Variants in OCA2 observed in about 807,000 individuals in gnomAD.
OCA2 encodes the protein P protein.
In OCA2, 77 loss-of-function variants were observed where a neutral mutation model predicts 100.2. The ratio of observed to expected loss-of-function variants is 0.77; its 90% CI spans 0.64 to 0.93. The LOEUF (loss-of-function observed/expected upper bound fraction) is 0.93. Among genes scored for constraint, OCA2 ranks in the 40% least tolerant of loss-of-function variants. The pLI is 0.00. For missense variants in OCA2, 1,062 were observed against 1,089.1 expected (o/e 0.98, Z 0.35); for synonymous variants, 432 against 439.2 (o/e 0.98, Z 0.21).
chr15:28,085,660 C>T (rs2044764562), intron 1 of OCA2, among the ~76,000 whole-genome samples: 1 of 151,874 alleles, frequency 6.6e-6, no homozygotes, highest in African/African-American at 2.4e-5. Flanking sequence ...CCCACCCCCG[C>T]CCAGACTGCA....
intron 11 of OCA2, 125 bp from the exon 12 acceptor site, chr15:27,986,768 A>G (rs2041368379): frequency 1.3e-6 from 1 of 755,834 alleles, no homozygotes; most frequent in Admixed American, 1.9e-5. Flanking sequence ...CAAGCTCCTC[A>G]CTCTGAGATG....
At chr15:28,083,140 C>T (rs1014754985) in intron 1 of OCA2, among the ~76,000 whole-genome samples, 2 of 152,212 alleles carry the variant, frequency 1.3e-5, no homozygotes, top group African/African-American at 4.8e-5. Flanking sequence ...GTTTCACATA[C>T]AGTCTTCACA....
At chr15:27,823,877 A>G (rs1361243335) in intron 23 of OCA2, among the ~76,000 whole-genome samples, 1 of 152,222 alleles carries the variant, frequency 6.6e-6, no homozygotes, top group African/African-American at 2.4e-5. Context: ...AAAATGATTT[A>G]CATTGCAATA....
chr15:27,783,910 G>A (rs1197798036), intron 23 of OCA2, among the ~76,000 whole-genome samples: 3 of 152,182 alleles, frequency 2.0e-5, no homozygotes, highest in African/African-American at 2.4e-5. Flanking sequence ...CACCCAGGGC[G>A]CTGATGAAAA....
In OCA2 at chr15:27,957,675, CG is replaced by C; in HGVS notation, c.1696del (p.Arg566AlafsTer62). The C allele has an allele frequency of 6.2e-7, 1 of 1,613,088 alleles. No individual in the cohort carries two copies. The highest frequency in any genetic ancestry group is 1.6e-4 in the Middle Eastern group (1 of 6,062). ...CAGGCGGCGCACAGCTGTCTCCTCG[CG>C]GCTGGCCGGGCTGATGCGCTGAGCA... ...LTAQRISPAS[R>X]EETAVRRLLL... is the part of the protein sequence containing the mutation. On this transcript the variant is annotated frameshift_variant, in exon 16 of 24. Coordinates refer to ENST00000354638, the MANE Select transcript of OCA2 (RefSeq NM_000275.3). LOFTEE classifies it high-confidence loss of function. The surrounding 1 kb of genome is among the most constrained non-coding windows in gnomAD (Gnocchi z 4.3).
At chr15:27,918,401 A>G (rs1474383153) in intron 19 of OCA2, among the ~76,000 whole-genome samples, 3 of 152,132 alleles carry the variant, frequency 2.0e-5, no homozygotes, top group Admixed American at 2.0e-4. Context: ...ATAAGTAATT[A>G]TGATAGATTA....
chr15:28,060,472 TA>T (rs1408597271), intron 2 of OCA2, among the ~76,000 whole-genome samples: 7 of 152,238 alleles, frequency 4.6e-5, no homozygotes, highest in Non-Finnish European at 8.8e-5. Context: ...TTCCACTTAG[TA>T]TCTCAAAAGT....
At chr15:27,916,743 A>G (rs937645966) in intron 19 of OCA2, among the ~76,000 whole-genome samples, 1 of 152,222 alleles carries the variant, frequency 6.6e-6, no homozygotes, top group Admixed American at 6.5e-5. Flanking sequence ...AACAAAAGTC[A>G]GTGCAACATA....
At chr15:27,958,044 C>A (rs2040289434) in intron 15 of OCA2, among the ~76,000 whole-genome samples, 1 of 152,056 alleles carries the variant, frequency 6.6e-6, no homozygotes, top group Non-Finnish European at 1.5e-5. Context: ...CACACCAGGG[C>A]CTGTTGTGGG....
At chr15:27,833,214 T>C (rs1595485650) in intron 23 of OCA2, among the ~76,000 whole-genome samples, 1 of 152,368 alleles carries the variant, frequency 6.6e-6, no homozygotes, top group African/African-American at 2.4e-5. Flanking sequence ...TTTTATCTTA[T>C]TGTTTTTCAA....
At chr15:27,955,308 C>G (rs947385765) in intron 16 of OCA2, 93 bp from the exon 17 acceptor site, 16 of 917,736 alleles carry the variant, frequency 1.7e-5, no homozygotes, top group Non-Finnish European at 2.7e-5. Flanking sequence ...TGCCTGGACG[C>G]GGTCTGTGAC....
chr15:27,931,616 G>A (rs1389280159), intron 18 of OCA2, among the ~76,000 whole-genome samples: 10 of 151,788 alleles, frequency 6.6e-5, no homozygotes, highest in African/African-American at 2.2e-4. Context: ...GATTACAGGC[G>A]TGAGCCACCA....
intron 23 of OCA2, among the ~76,000 whole-genome samples, chr15:27,821,408 G>T (rs1301997233): frequency 6.6e-6 from 1 of 152,064 alleles, no homozygotes; most frequent in African/African-American, 2.4e-5. Context: ...ACCCACATGG[G>T]CACATACATG....
chr15:28,090,716 T>C (rs2044856247), intron 1 of OCA2, among the ~76,000 whole-genome samples: 1 of 152,058 alleles, frequency 6.6e-6, no homozygotes, highest in African/African-American at 2.4e-5. Flanking sequence ...ATTTACAGCA[T>C]AAATGCTGGT....
intron 15 of OCA2, among the ~76,000 whole-genome samples, chr15:27,963,173 A>C (rs1462902215): frequency 6.6e-6 from 1 of 152,220 alleles, no homozygotes; most frequent in East Asian, 1.9e-4. Flanking sequence ...AAACAAATCT[A>C]TAATCAACCT....
chr15:28,035,511 A>G (rs2043022121), intron 2 of OCA2, among the ~76,000 whole-genome samples: 1 of 152,234 alleles, frequency 6.6e-6, no homozygotes, highest in Non-Finnish European at 1.5e-5. Flanking sequence ...GGATTGCCCA[A>G]AAACATTTTC....
the OCA2 span, among the ~76,000 whole-genome samples, chr15:27,724,203 A>C: frequency 4.6e-5 from 7 of 152,038 alleles, no homozygotes; most frequent in African/African-American, 1.4e-4. Context: ...AGACTGGGGG[A>C]GTCATACAGC....
At chr15:27,959,384 G>GA (rs5811520) in intron 15 of OCA2, among the ~76,000 whole-genome samples, 77,556 of 152,068 alleles carry the variant, frequency 0.51, 24,448 homozygotes, top group Non-Finnish European at 0.72. Context: ...GGAAGTGAAG[G>GA]AAAAAACTAA....
chr15:27,917,503 C>T (rs946711438), intron 19 of OCA2, among the ~76,000 whole-genome samples: 6 of 152,122 alleles, frequency 3.9e-5, no homozygotes, highest in African/African-American at 1.4e-4. Context: ...TGGACTGGTG[C>T]GCAGATCTCT....
Sources: allele counts gnomAD v4.1 joint callset (sites outside exome capture counted in the v4.1 genomes callset), GRCh38; gene constraint gnomAD v4.1.1; non-coding constraint Gnocchi (gnomAD v3.1); transcripts MANE v1.5; gene names NCBI Gene and HGNC (gene_info 2026-07-23, HGNC 2026-07-21).